PRDM16: variants seen among roughly 807,000 people sequenced by gnomAD.
The protein encoded by PRDM16 is histone-lysine N-methyltransferase PRDM16.
A neutral mutation model predicts 110.6 loss-of-function variants in PRDM16; 23 were observed. The ratio of observed to expected loss-of-function variants is 0.21; its 90% CI spans 0.15 to 0.29. The LOEUF is 0.29. Among genes scored for constraint, PRDM16 ranks in the 10% least tolerant of loss-of-function variants. PRDM16 has a pLI of 1.00. For missense variants in PRDM16, 1,615 were observed against 1,794.3 expected, an observed-to-expected ratio of 0.90 and a Z score of 1.81; for synonymous variants, 799 against 781.8, an observed-to-expected ratio of 1.02 and a Z score of -0.37.
chr1:3,169,480 C>T (rs555530640), intron 1 of PRDM16, among the ~76,000 whole-genome samples: 1 of 152,270 alleles, frequency 6.6e-6, no homozygotes, highest in East Asian at 1.9e-4. Flanking sequence ...GAGCCCCACC[C>T]CTCTCCCGTG....
At chr1:3,118,529 G>A (rs79424250) in intron 1 of PRDM16, among the ~76,000 whole-genome samples, 3,462 of 152,284 alleles carry the variant, frequency 0.023, 217 homozygotes, top group East Asian at 0.22. Context: ...GATGGCATCC[G>A]CCCCCAGCTC....
chr1:3,403,121 T>C (rs1643502941), intron 6 of PRDM16, 123 bp downstream of exon 6: 1 of 920,350 alleles, frequency 1.1e-6, no homozygotes, highest in Non-Finnish European at 1.7e-6. Flanking sequence ...CCCCAACAGG[T>C]GTAGACAAAG....
chr1:3,388,240 C>T (rs1455001231), intron 4 of PRDM16, among the ~76,000 whole-genome samples: 2 of 152,216 alleles, frequency 1.3e-5, no homozygotes, highest in Non-Finnish European at 2.9e-5. Context: ...CACACAAACA[C>T]ACACAAGTGA....
chr1:3,127,131 GAC>G (rs1333397927), intron 1 of PRDM16, among the ~76,000 whole-genome samples: 1 of 152,256 alleles, frequency 6.6e-6, no homozygotes. Context: ...GAGAGGCCCA[GAC>G]GGTCTCTTGT....
In PRDM16 at chr1:3,359,742, G is replaced by A. The variant is rs937977914; in HGVS notation, c.439-25410G>A. 3.3e-5 allele frequency among the ~76,000 whole-genome samples: 5 copies of A among 152,220 alleles called. No individual in the cohort carries two copies. Among genetic ancestry groups the A allele is most frequent in the Admixed American group, 2.6e-4 (4 of 15,286 alleles). ...CGTCCTCTGTGTGCCTGAGGGGAAC[G>A]CACTGGGTTGATCCCTCAGCGGCAG... On this transcript the variant is annotated intron_variant, in intron 3 of 16. Transcript: ENST00000270722. The surrounding 1 kb of genome is among the most constrained non-coding windows in gnomAD (Gnocchi z 4.3).
intron 1 of PRDM16, among the ~76,000 whole-genome samples, chr1:3,095,017 C>T (rs569250747): frequency 2.4e-4 from 37 of 152,348 alleles, no homozygotes; most frequent in East Asian, 1.9e-4. Flanking sequence ...CAGGAGGGGA[C>T]GGCTCTGTTG....
In PRDM16 at chr1:3,432,042, A is replaced by G. The variant is rs773038317; in HGVS notation, c.3598A>G (p.Arg1200Gly). ...PTFGKGLDLRRAAEEAFEVKD... is the reference protein window; with the variant it reads ...PTFGKGLDLRGAAEEAFEVKD... ...TTTTGGGAAGGGGCTGGACCTCCGC[A>G]GAGCAGCTGAGGAAGCATTTGAAGT... Residue 1200 changes from arginine to glycine, a missense_variant, in exon 16 of 17, where the codon AGA (arginine) becomes GGA (glycine). By Grantham distance (125) the Arg-to-Gly change is moderately radical. Transcript: ENST00000270722. 2.5e-6 allele frequency: 4 copies of G among 1,614,104 alleles called. No individual in the cohort carries two copies. In the South Asian group the frequency reaches 4.4e-5, roughly 18 times the overall value.
chr1:3,094,337 C>T (rs1349603065), intron 1 of PRDM16, among the ~76,000 whole-genome samples: 1 of 152,232 alleles, frequency 6.6e-6, no homozygotes, highest in East Asian at 1.9e-4. Flanking sequence ...CAGAGCGGAA[C>T]GACTTGGAAG....
chr1:3,092,439 G>A (rs925644683), intron 1 of PRDM16, among the ~76,000 whole-genome samples: 1 of 152,224 alleles, frequency 6.6e-6, no homozygotes, highest in Non-Finnish European at 1.5e-5. Context: ...CCAGCACTTG[G>A]GTCCATGAAT....
intron 3 of PRDM16, among the ~76,000 whole-genome samples, chr1:3,252,805 C>T (rs1168577909): frequency 6.6e-6 from 1 of 152,156 alleles, no homozygotes; most frequent in Non-Finnish European, 1.5e-5. Context: ...TGCCGAGCCT[C>T]CCCCTCCTGC....
chr1:3,275,629 C>G (rs770801348), intron 3 of PRDM16, among the ~76,000 whole-genome samples: 2 of 152,198 alleles, frequency 1.3e-5, no homozygotes, highest in Non-Finnish European at 2.9e-5. Flanking sequence ...AACGCCAGAG[C>G]CGGTCCTGCC....
Position 3,198,979 on chromosome 1 carries a change from C to G in PRDM16, c.387+12505C>G, listed in dbSNP as rs550057423. On this transcript the variant is annotated intron_variant, in intron 2 of 16. Transcript: ENST00000270722. ...CATTTAGGCCCCAGGCATTGTCTGTCGCGGCAGCAGCTGAGATAAACCCTC... is the reference window on the plus strand; with the variant it reads ...CATTTAGGCCCCAGGCATTGTCTGTGGCGGCAGCAGCTGAGATAAACCCTC... 1.4e-4 allele frequency among the ~76,000 whole-genome samples: 22 copies of G among 152,318 alleles called. No homozygotes were observed. In the South Asian group the frequency reaches 4.1e-3, roughly 29 times the overall value.
At chr1:3,270,798 C>T (rs1240249809) in intron 3 of PRDM16, among the ~76,000 whole-genome samples, 1 of 150,322 alleles carries the variant, frequency 6.7e-6, no homozygotes, top group African/African-American at 2.5e-5. Context: ...GGAGGAGAGT[C>T]GGGAGGAGGA....
intron 1 of PRDM16, among the ~76,000 whole-genome samples, chr1:3,082,482 G>A (rs996434239): frequency 2.0e-5 from 3 of 152,240 alleles, no homozygotes; most frequent in Non-Finnish European, 2.9e-5. Flanking sequence ...TTCCCAAGGA[G>A]CCCCTGAGCT....
At chr1:3,332,159 G>C (rs536060851) in intron 3 of PRDM16, among the ~76,000 whole-genome samples, 1 of 152,260 alleles carries the variant, frequency 6.6e-6, no homozygotes, top group Non-Finnish European at 1.5e-5. Flanking sequence ...CCACTTTCCT[G>C]ACAATGCGCT....
intron 2 of PRDM16, among the ~76,000 whole-genome samples, chr1:3,197,536 T>C (rs998490387): frequency 6.6e-6 from 1 of 152,230 alleles, no homozygotes; most frequent in Non-Finnish European, 1.5e-5. Context: ...TGTGCCGGGA[T>C]CAGCTTTGTG....
At position 3,411,601 on chromosome 1, in the gene PRDM16, G is replaced by A; in HGVS notation, c.1404G>A (p.Met468Ile). 1 of 1,613,982 alleles carries A rather than the reference G, an allele frequency of 6.2e-7. No individual in the cohort carries two copies. The highest frequency in any genetic ancestry group is 8.5e-7 in the Non-Finnish European group (1 of 1,179,996). The change falls in exon 9 of 17, where the codon ATG (methionine) becomes ATA (isoleucine). Residue 468 changes from methionine (M) to isoleucine (I), a missense_variant. Physicochemically the swap from Met to Ile is conservative, Grantham distance 10. Coordinates refer to ENST00000270722, the MANE Select transcript of PRDM16 (RefSeq NM_022114.4). ...GCCTGCCCTTGACCCCCAGCCCCAT[G>A]ATGGACAAGGCAAAACCCTCCCCCA... The part of the protein sequence containing the change: ...APGLPLTPSP[M>I]MDKAKPSPSL...
At chr1:3,103,424 G>A (rs1056437352) in intron 1 of PRDM16, among the ~76,000 whole-genome samples, 4 of 152,332 alleles carry the variant, frequency 2.6e-5, no homozygotes, top group South Asian at 2.1e-4. Context: ...CTCGCCAAAC[G>A]CATTCTGAGC....
At chr1:3,327,398 C>A (rs556156281) in intron 3 of PRDM16, among the ~76,000 whole-genome samples, 1 of 152,204 alleles carries the variant, frequency 6.6e-6, no homozygotes, top group Non-Finnish European at 1.5e-5. Context: ...GATGTGGACA[C>A]CCAGTCCCAA....
Sources: allele counts gnomAD v4.1 joint callset (sites outside exome capture counted in the v4.1 genomes callset), GRCh38; gene constraint gnomAD v4.1.1; non-coding constraint Gnocchi (gnomAD v3.1); transcripts MANE v1.5; gene names NCBI Gene and HGNC (gene_info 2026-07-23, HGNC 2026-07-21).